MIA2: variants seen among roughly 807,000 people sequenced by gnomAD.
The protein encoded by MIA2 is melanoma inhibitory activity protein 2.
A neutral mutation model predicts 167.8 loss-of-function variants in MIA2; 127 were observed. That is an observed-to-expected ratio of 0.76 (90% CI 0.66 to 0.88). The LOEUF is 0.88. Ranked by LOEUF, MIA2 falls within the 40% of genes least tolerant of loss-of-function variation. MIA2 has a pLI of 0.00. For synonymous variants in MIA2, 552 were observed against 541.9 expected, an observed-to-expected ratio of 1.02 and a Z score of -0.26; for missense variants, 1,690 against 1,624.7, an observed-to-expected ratio of 1.04 and a Z score of -0.69.
chr14:39,287,246 T>G (rs1163439389), intron 9 of MIA2, among the ~76,000 whole-genome samples: 2 of 151,818 alleles, frequency 1.3e-5, no homozygotes, highest in Non-Finnish European at 2.9e-5. Context: ...GTTAATTTTT[T>G]GTATTTTTTT....
At chr14:39,332,406 C>T (rs1299636461) in intron 25 of MIA2, among the ~76,000 whole-genome samples, 2 of 152,000 alleles carry the variant, frequency 1.3e-5, no homozygotes, top group Admixed American at 6.6e-5. Context: ...TTTAGCTTGG[C>T]GGAGTTTATT....
At chr14:39,360,206 G>C (rs542330194) in intron 23 of MIA2, among the ~76,000 whole-genome samples, 5 of 152,214 alleles carry the variant, frequency 3.3e-5, no homozygotes, top group African/African-American at 1.2e-4. Flanking sequence ...GGAGGCTGAG[G>C]GATGAGAATC....
intron 1 of MIA2, among the ~76,000 whole-genome samples, chr14:39,235,139 G>A (rs1043912050): frequency 1.3e-5 from 2 of 151,648 alleles, no homozygotes; most frequent in African/African-American, 2.4e-5. Flanking sequence ...AGGTTCAAGC[G>A]ATTCTCCTGT....
At chr14:39,243,849 G>A (rs964402649) in intron 3 of MIA2, among the ~76,000 whole-genome samples, 1 of 152,182 alleles carries the variant, frequency 6.6e-6, no homozygotes, top group Non-Finnish European at 1.5e-5. Context: ...CTGGGCAACA[G>A]AACGAGACTC....
chr14:39,372,245 T>C (rs1210514301), intron 23 of MIA2, among the ~76,000 whole-genome samples: 1 of 152,104 alleles, frequency 6.6e-6, no homozygotes, highest in Non-Finnish European at 1.5e-5. Context: ...AAGCCAAGTG[T>C]GTGTTTTAAA....
At chr14:39,303,300 T>C (rs2062822312) in intron 15 of MIA2, among the ~76,000 whole-genome samples, 178 bp from the exon 16 acceptor site, 2 of 152,166 alleles carry the variant, frequency 1.3e-5, no homozygotes, top group African/African-American at 4.8e-5. Flanking sequence ...AGTGCTTTTA[T>C]TGTTTAGCTT....
intron 25 of MIA2, among the ~76,000 whole-genome samples, chr14:39,333,010 G>T (rs532703287): frequency 6.6e-6 from 1 of 151,734 alleles, no homozygotes; most frequent in African/African-American, 2.4e-5. Context: ...TTACCATTTG[G>T]TTCCTTTTTA....
Position 39,247,931 on chromosome 14 carries a change from A to G in MIA2, c.1357A>G (p.Thr453Ala). The change falls in exon 4 of 29, where the codon ACT becomes GCT. Residue 453 changes from threonine to alanine, a missense_variant. Coordinates refer to ENST00000640607, the MANE Select transcript of MIA2 (RefSeq NM_001329214.4). ...PVSEKTDESD[T>A]IPYLKKFLYN... is the part of the protein sequence containing the mutation. ...CTCAGAAAAAACAGACGAATCTGAT[A>G]CTATACCATATTTGAAAAAGTTCTT... 6.3e-7 allele frequency: 1 copy of G among 1,598,688 alleles called. No homozygotes were observed. The highest frequency in any genetic ancestry group is 8.5e-7 in the Non-Finnish European group (1 of 1,176,536).
chr14:39,379,976 T>C (rs1368497888), intron 23 of MIA2, among the ~76,000 whole-genome samples: 2 of 152,186 alleles, frequency 1.3e-5, no homozygotes, highest in Non-Finnish European at 1.5e-5. Context: ...TGCTTTTCAA[T>C]GTGGGGAGTA....
intron 25 of MIA2, among the ~76,000 whole-genome samples, chr14:39,337,818 A>T (rs572475164): frequency 6.6e-6 from 1 of 152,038 alleles, no homozygotes; most frequent in African/African-American, 2.4e-5. Context: ...CCTGGGTTCA[A>T]ACTGTCCTTC....
intron 23 of MIA2, among the ~76,000 whole-genome samples, chr14:39,368,849 G>T (rs1257405668): frequency 6.6e-6 from 1 of 151,064 alleles, no homozygotes; most frequent in Non-Finnish European, 1.5e-5. Flanking sequence ...TGTTTCTTTA[G>T]TTCAAACTTT....
In MIA2 at chr14:39,277,039, T is replaced by A; in HGVS notation, c.1993T>A (p.Phe665Ile). Residue 665 changes from phenylalanine (F) to isoleucine (I), a missense_variant, in exon 7 of 29, where the codon TTT becomes ATT. Physicochemically the swap from Phe to Ile is conservative, Grantham distance 21. Transcript: ENST00000640607. ...TGTTGTTGGATTTTTTGCTGTTCTC[T>A]TTTTTTTGTGGAGAAGTTTTAGATC... The part of the protein sequence containing the change: ...AAVVGFFAVL[F>I]FLWRSFRSVR... The A allele has an allele frequency of 6.2e-7, 1 of 1,611,506 alleles. No individual in the cohort carries two copies. Among genetic ancestry groups the A allele is most frequent in the Non-Finnish European group, 8.5e-7 (1 of 1,178,776 alleles).
intron 25 of MIA2, among the ~76,000 whole-genome samples, chr14:39,333,003 C>G (rs1016240182): frequency 3.9e-5 from 6 of 152,002 alleles, no homozygotes; most frequent in African/African-American, 1.5e-4. Context: ...TCTAAAATTA[C>G]CATTTGGTTC....
intron 25 of MIA2, among the ~76,000 whole-genome samples, chr14:39,338,829 G>T (rs1217985141): frequency 1.3e-5 from 2 of 152,182 alleles, no homozygotes; most frequent in East Asian, 3.8e-4. Context: ...TTTTGCCAGG[G>T]TTAACTGTAA....
intron 6 of MIA2, among the ~76,000 whole-genome samples, chr14:39,261,906 G>A (rs1270689496): frequency 6.6e-6 from 1 of 152,108 alleles, no homozygotes. Context: ...TGTCAGATGA[G>A]TAGATTGCAA....
intron 23 of MIA2, among the ~76,000 whole-genome samples, chr14:39,381,715 C>T (rs761901708): frequency 1.3e-5 from 2 of 149,346 alleles, no homozygotes; most frequent in Non-Finnish European, 1.5e-5. Context: ...GGAATCTAAC[C>T]AATTCAGAGG....
chr14:39,251,484 T>C (rs1286314535), intron 4 of MIA2, among the ~76,000 whole-genome samples: 1 of 152,050 alleles, frequency 6.6e-6, no homozygotes, highest in Non-Finnish European at 1.5e-5. Context: ...ATAGGGAATA[T>C]TCATTTTTCT....
At chr14:39,334,509 A>T (rs903931885) in intron 25 of MIA2, among the ~76,000 whole-genome samples, 7 of 151,912 alleles carry the variant, frequency 4.6e-5, no homozygotes, top group Admixed American at 4.6e-4. Flanking sequence ...AACAGATTTC[A>T]GGGTTCTTTT....
At chr14:39,343,619 A>ATTCT (rs1226007054) in intron 25 of MIA2, among the ~76,000 whole-genome samples, 1 of 151,944 alleles carries the variant, frequency 6.6e-6, no homozygotes, top group Admixed American at 6.6e-5. Context: ...TTTTTCTTCC[A>ATTCT]TTCTTTCTTT....
Sources: allele counts gnomAD v4.1 joint callset (sites outside exome capture counted in the v4.1 genomes callset), GRCh38; gene constraint gnomAD v4.1.1; transcripts MANE v1.5; gene names NCBI Gene and HGNC (gene_info 2026-07-23, HGNC 2026-07-21).